NISCH: variants seen among roughly 807,000 people sequenced by gnomAD.
The protein encoded by NISCH is I-1 receptor candidate protein.
In NISCH, 55 loss-of-function variants were observed where a neutral mutation model predicts 138.4. The ratio of observed to expected loss-of-function variants is 0.40; its 90% CI spans 0.32 to 0.50. NISCH has a LOEUF of 0.50. Ranked by LOEUF, NISCH falls within the 20% of genes least tolerant of loss-of-function variation. The pLI is 0.71. For synonymous variants in NISCH, 860 were observed against 861.5 expected, an observed-to-expected ratio of 1.00 and a Z score of 0.03; for missense variants, 1,643 against 2,005.5, an observed-to-expected ratio of 0.82 and a Z score of 3.45.
In NISCH at chr3:52,487,679, T is replaced by C; in HGVS notation, c.2187T>C (p.Leu729=). 8 of 1,613,722 alleles carry C rather than the reference T, an allele frequency of 5.0e-6. No homozygotes were observed. Among genetic ancestry groups the C allele is most frequent in the Non-Finnish European group, 5.9e-6 (7 of 1,179,990 alleles). The stretch of plus-strand genomic sequence containing the variant: ...GTATCCGCCAGTTCGCCGCCTGCCT[T>C]GTGCTCACCGACTTCGGCATCGCAG... ...QGSIRQFAAC[L]VLTDFGIAVF... The change falls in exon 16 of 21, where the codon CTT becomes CTC. Residue 729 remains leucine, a synonymous_variant. Transcript: ENST00000345716. This position sits in a 1 kb window ranked among gnomAD's most constrained non-coding sequence, Gnocchi z 9.1.
At position 52,489,357 on chromosome 3, in the gene NISCH, G is replaced by A; in HGVS notation, c.3135G>A (p.Glu1045=). The change falls in exon 17 of 21, where the codon GAG becomes GAA. Residue 1045 remains glutamate (E), a synonymous_variant. Coordinates refer to ENST00000345716, the MANE Select transcript of NISCH (RefSeq NM_007184.4). ...ACAGCAATGACCAGCGTCCCCAGGA[G>A]GTCCCAGCAGAGGCTCTGGCCCCGG... ...RRASNDQRPQ[E]VPAEALAPAP... is the part of the protein sequence containing the mutation. The A allele has an allele frequency of 6.2e-7, 1 of 1,612,834 alleles. No homozygotes were observed. Among genetic ancestry groups the A allele is most frequent in the Middle Eastern group, 1.7e-4 (1 of 6,056 alleles).
Position 52,480,235 on chromosome 3 carries a change from T to TC in NISCH, c.1472dup (p.Pro492SerfsTer17). On this transcript the variant is annotated frameshift_variant, in exon 13 of 21. Transcript: ENST00000345716. LOFTEE classifies it high-confidence loss of function. Reference sequence around the variant, plus strand: ...TGCCCCCTGCATCAGACCCAGCAGCTCCCCTCCCACTGTGGCTCCCGCATC... The same window carrying TC: ...TGCCCCCTGCATCAGACCCAGCAGCTCCCCCTCCCACTGTGGCTCCCGCATC... 1 of 1,613,716 alleles carries TC rather than the reference T, an allele frequency of 6.2e-7. No homozygotes were observed. Among genetic ancestry groups the TC allele is most frequent in the Non-Finnish European group, 8.5e-7 (1 of 1,179,946 alleles).
chr3:52,479,358 C>T (rs940335247), intron 11 of NISCH, among the ~76,000 whole-genome samples: 12 of 152,166 alleles, frequency 7.9e-5, no homozygotes, highest in Admixed American at 6.5e-4. Flanking sequence ...GCTCTCCCAT[C>T]GCTCTTTTGA....
At chr3:52,478,654 A>G (rs769835468) in intron 11 of NISCH, 77 bp downstream of exon 11, 2 of 1,359,610 alleles carry the variant, frequency 1.5e-6, no homozygotes, top group East Asian at 2.3e-5. Flanking sequence ...GTAGGGGGAT[A>G]TATGTCCATT....
chr3:52,488,960 C>T (rs1707488357), intron 16 of NISCH, among the ~76,000 whole-genome samples: 1 of 152,214 alleles, frequency 6.6e-6, no homozygotes, highest in South Asian at 2.1e-4. Context: ...GTCACCCTGG[C>T]TGCTGTGCTC....
chr3:52,489,750 T>C lies in NISCH; in HGVS notation c.3456+72T>C, dbSNP rs531939475. 1.9e-6 allele frequency: 3 copies of C among 1,555,892 alleles called. No individual in the cohort carries two copies. The African/African-American group carries it at 4.0e-5, about 21-fold the overall frequency. On this transcript the variant is annotated intron_variant, in intron 17 of 20. Coordinates refer to ENST00000345716, the MANE Select transcript of NISCH (RefSeq NM_007184.4). The stretch of plus-strand genomic sequence containing the variant: ...GGGCGAGGCCAAGCTTGGCTTCAGG[T>C]CAGCCTCAGGTCCCTGGACTTCCCT...
chr3:52,487,052 A>C lies in NISCH; in HGVS notation c.1704-144A>C. On this transcript the variant is annotated intron_variant, in intron 15 of 20. Transcript: ENST00000345716. The surrounding 1 kb of genome is among the most constrained non-coding windows in gnomAD (Gnocchi z 9.1). ...TCCCACCAGGGCCCTCATCCTGGGA[A>C]CTGACTTGGCCATGTGGGAGGCTTG... The C allele has an allele frequency of 1.1e-6, 1 of 901,100 alleles. No homozygotes were observed. The highest frequency in any genetic ancestry group is 1.7e-6 in the Non-Finnish European group (1 of 605,714). 55.8% of individuals were successfully genotyped at this position (901,100 alleles called of 1,614,324 possible).
rs1706644951 is a variant in NISCH, at chr3:52,461,885, T to C, written c.360+3041T>C. 2.6e-5 allele frequency among the ~76,000 whole-genome samples: 4 copies of C among 151,362 alleles called. No homozygotes were observed. In the South Asian group the frequency reaches 6.3e-4, roughly 24 times the overall value. Reference sequence around the variant, plus strand: ...CACAAAAAAAAAAAAAAAAGAAATATTGTATTTTAAGAAAGCTTTGGTTAG... The same window carrying C: ...CACAAAAAAAAAAAAAAAAGAAATACTGTATTTTAAGAAAGCTTTGGTTAG... On this transcript the variant is annotated intron_variant, in intron 3 of 20. Coordinates refer to ENST00000345716, the MANE Select transcript of NISCH (RefSeq NM_007184.4).
chr3:52,487,191 C>T lies in NISCH; in HGVS notation c.1704-5C>T. The stretch of plus-strand genomic sequence containing the variant: ...ATGCCACTGACCTGGCCTCTCCCTG[C>T]ACAGCCCAGAACATGCCGAGCCGGA... On this transcript the variant is annotated splice_region_variant and splice_polypyrimidine_tract_variant and intron_variant, in intron 15 of 20. Coordinates refer to ENST00000345716, the MANE Select transcript of NISCH (RefSeq NM_007184.4). This position sits in a 1 kb window ranked among gnomAD's most constrained non-coding sequence, Gnocchi z 9.1. 2 of 1,611,204 alleles carry T rather than the reference C, an allele frequency of 1.2e-6. No individual in the cohort carries two copies. Among genetic ancestry groups the T allele is most frequent in the Non-Finnish European group, 1.7e-6 (2 of 1,178,420 alleles).
intron 7 of NISCH, among the ~76,000 whole-genome samples, chr3:52,474,888 G>A (rs1190868813): frequency 1.3e-5 from 2 of 152,210 alleles, no homozygotes; most frequent in Non-Finnish European, 2.9e-5. Context: ...TGATTAGAAG[G>A]TGAGGTTGTG....
At chr3:52,463,915 C>T (rs1157419590) in intron 3 of NISCH, among the ~76,000 whole-genome samples, 2 of 150,256 alleles carry the variant, frequency 1.3e-5, no homozygotes, top group Admixed American at 6.6e-5. Flanking sequence ...TCATTAGAGA[C>T]GGGGTTTCAC....
chr3:52,462,045 T>A (rs1286200035), intron 3 of NISCH, among the ~76,000 whole-genome samples: 1 of 152,130 alleles, frequency 6.6e-6, no homozygotes, highest in East Asian at 1.9e-4. Flanking sequence ...AGGCCTGGAC[T>A]GCTCTTTTGA....
Position 52,492,422 on chromosome 3 carries a change from G to C in NISCH, c.4455G>C (p.Leu1485=). Residue 1485 remains leucine (L), a synonymous_variant, in exon 21 of 21, where the codon CTG becomes CTC. Coordinates refer to ENST00000345716, the MANE Select transcript of NISCH (RefSeq NM_007184.4). ...SAESREKLIS[L]LARQWEALCG... ...AGAGCAGAGAGAAGCTCATCTCGCT[G>C]TTGGCTCGCCAGTGGGAGGCCCTGT... 1 of 1,612,608 alleles carries C rather than the reference G, an allele frequency of 6.2e-7. No individual in the cohort carries two copies. The highest frequency in any genetic ancestry group is 8.5e-7 in the Non-Finnish European group (1 of 1,179,930).
chr3:52,465,399 G>A (rs1171961067), intron 3 of NISCH, among the ~76,000 whole-genome samples: 1 of 152,158 alleles, frequency 6.6e-6, no homozygotes, highest in Admixed American at 6.5e-5. Flanking sequence ...CAAAGCGCTC[G>A]GTTTACAGGC....
rs1358289859 is a variant in NISCH, at chr3:52,489,675, T to G, written c.3453T>G (p.Ala1151=). The change falls in exon 17 of 21, where the codon GCT becomes GCG. Residue 1151 remains alanine (A), a synonymous_variant. Transcript: ENST00000345716. Reference sequence around the variant, plus strand: ...TCGAGCTCTTCCACAGCAGCATTGCTGAGGTAGCGGCCCGGGTGTGGGTGC... The same window carrying G: ...TCGAGCTCTTCCACAGCAGCATTGCGGAGGTAGCGGCCCGGGTGTGGGTGC... ...AIIELFHSSI[A]EVENEELRHL... is the part of the protein sequence containing the mutation. 6.2e-7 allele frequency: 1 copy of G among 1,611,036 alleles called. No homozygotes were observed. The highest frequency in any genetic ancestry group is 8.5e-7 in the Non-Finnish European group (1 of 1,179,052).
Position 52,484,528 on chromosome 3 carries a change from A to C in NISCH, c.1544A>C (p.Gln515Pro). The C allele has an allele frequency of 7.0e-7, 1 of 1,425,506 alleles. No homozygotes were observed. The highest frequency in any genetic ancestry group is 2.0e-4 in the Middle Eastern group (1 of 5,060). 88.3% of individuals were successfully genotyped at this position (1,425,506 alleles called of 1,614,324 possible). Residue 515 changes from glutamine (Q) to proline (P), a missense_variant, in exon 14 of 21, where the codon CAG (glutamine) becomes CCG (proline). Gln to Pro is a moderately conservative substitution (Grantham distance 76). Transcript: ENST00000345716. ...GTCTCTCCAGGAATCATGTTCGTTC[A>C]GGAGGAGGCCCTGGCCAGCAGCCTC... The part of the protein sequence containing the change: ...ILSNQGIMFV[Q>P]EEALASSLSS...
rs914179232 is a variant in NISCH, at chr3:52,458,001, T to C, written c.177+75T>C. On this transcript the variant is annotated intron_variant, in intron 2 of 20. Coordinates refer to ENST00000345716, the MANE Select transcript of NISCH (RefSeq NM_007184.4). The stretch of plus-strand genomic sequence containing the variant: ...GGCCAACTTTCCATTGTGCCACATA[T>C]TAGTTTTAGGGCAAAACAGGTTCCA... 103 of 1,171,268 alleles carry C rather than the reference T, an allele frequency of 8.8e-5. No individual in the cohort carries two copies. In the African/African-American group the frequency reaches 1.3e-3, roughly 14 times the overall value. The allele number at this position is 1,171,268 out of a possible 1,614,324, so 72.6% of individuals were successfully genotyped here.
At chr3:52,466,563 CAAAAAAAA>C (rs56199620) in intron 3 of NISCH, among the ~76,000 whole-genome samples, 1 of 122,652 alleles carries the variant, frequency 8.2e-6, no homozygotes, top group Non-Finnish European at 1.7e-5. Flanking sequence ...GACTCCATCT[CAAAAAAAA>C]AAAAAAAAAA....
intron 13 of NISCH, chr3:52,481,828 T>G: frequency 1.0e-6 from 1 of 985,478 alleles, no homozygotes; most frequent in Middle Eastern, 5.2e-4. Flanking sequence ...AGAGGGGCAC[T>G]CTGCAGTCTG....
Sources: gnomAD v4.1 joint callset for allele counts (sites outside exome capture counted in the v4.1 genomes callset) on GRCh38, gnomAD v4.1.1 for gene constraint, Gnocchi (gnomAD v3.1) non-coding constraint, MANE v1.5 for transcripts, NCBI Gene and HGNC (gene_info 2026-07-23, HGNC 2026-07-21) for gene names.